The following ABCC9 variants were observed in gnomAD, a reference collection of about 807,000 sequenced individuals.
ABCC9 encodes the protein ATP-binding cassette sub-family C member 9.
Under a neutral mutation model 188.3 loss-of-function variants are expected in ABCC9, and 95 were observed. That is an observed-to-expected ratio of 0.50 (90% confidence interval 0.43 to 0.60). ABCC9 has a LOEUF of 0.60. Ranked by LOEUF, ABCC9 falls within the 20% of genes least tolerant of loss-of-function variation. The pLI, the probability that ABCC9 is intolerant of heterozygous loss-of-function variation, is 0.00. For missense variants in ABCC9, 1,102 were observed against 1,876.3 expected, an observed-to-expected ratio of 0.59 and a Z score of 7.62; for synonymous variants, 659 against 652.7, an observed-to-expected ratio of 1.01 and a Z score of -0.15.
At chr12:21,815,660 A>G in intron 34 of ABCC9, 103 bp downstream of exon 34, 3 of 1,422,664 alleles carry the variant, frequency 2.1e-6, no homozygotes, top group South Asian at 1.2e-5. Flanking sequence ...CAGGTAGGGA[A>G]TATACTTACT....
At chr12:21,843,815 G>T (rs1054680742) in intron 28 of ABCC9, among the ~76,000 whole-genome samples, 1 of 152,144 alleles carries the variant, frequency 6.6e-6, no homozygotes, top group African/African-American at 2.4e-5. Flanking sequence ...GCAGTCAGCT[G>T]CATGCATCAA....
At chr12:21,838,971 A>G (rs916215932) in intron 29 of ABCC9, among the ~76,000 whole-genome samples, 6 of 152,148 alleles carry the variant, frequency 3.9e-5, no homozygotes, top group Non-Finnish European at 7.3e-5. Context: ...GGTTGAAGTG[A>G]GCTAAGATCA....
chr12:21,902,663 A>G (rs1410859433), intron 12 of ABCC9, among the ~76,000 whole-genome samples: 1 of 152,188 alleles, frequency 6.6e-6, no homozygotes, highest in Non-Finnish European at 1.5e-5. Context: ...TACTATAAAC[A>G]CCTCTATGCA....
At chr12:21,816,189 G>A (rs1271200753) in intron 33 of ABCC9, among the ~76,000 whole-genome samples, 7 of 150,882 alleles carry the variant, frequency 4.6e-5, no homozygotes, top group African/African-American at 1.5e-4. Flanking sequence ...TTAGCATTCC[G>A]TCACTCAATT....
intron 7 of ABCC9, 140 bp from the exon 8 acceptor site, chr12:21,913,206 T>C (rs1341810257): frequency 1.4e-6 from 1 of 714,054 alleles, no homozygotes; most frequent in Non-Finnish European, 2.3e-6. Flanking sequence ...AATGTGTGCC[T>C]TTCAGCATAG....
rs146783123 is a variant in ABCC9, at chr12:21,832,821, A to C, written c.3567-3761T>G. Among the ~76,000 whole-genome samples, 504 of 152,336 alleles carry C rather than the reference A, an allele frequency of 3.3e-3. 4 individuals are homozygous for C. The highest frequency in any genetic ancestry group is 9.0e-3 in the African/African-American group (373 of 41,576). On this transcript the variant is annotated intron_variant, in intron 30 of 39. Coordinates refer to ENST00000261200, the MANE Select transcript of ABCC9 (RefSeq NM_020297.4). ...CATTATATGAAAAAGACAGTTGCAC[A>C]CACATGTTTATAGCAGCACAAGTTG...
At chr12:21,935,684 A>G (rs1451663616) in intron 3 of ABCC9, among the ~76,000 whole-genome samples, 1 of 152,194 alleles carries the variant, frequency 6.6e-6, no homozygotes, top group Non-Finnish European at 1.5e-5. Context: ...GGATATGGAA[A>G]GAGTCACAAG....
intron 31 of ABCC9, among the ~76,000 whole-genome samples, chr12:21,825,267 A>G (rs1943302243): frequency 6.6e-6 from 1 of 152,190 alleles, no homozygotes; most frequent in African/African-American, 2.4e-5. Context: ...CAGAAATACC[A>G]TTTGACCCAG....
At chr12:21,822,381 G>A (rs1474198988) in intron 31 of ABCC9, among the ~76,000 whole-genome samples, 1 of 149,666 alleles carries the variant, frequency 6.7e-6, no homozygotes, top group Admixed American at 6.7e-5. Flanking sequence ...ATCTTGATTT[G>A]CATAAGGGAT....
At chr12:21,887,780 G>C (rs1402754396) in intron 15 of ABCC9, 46 bp downstream of exon 15, 1 of 1,186,020 alleles carries the variant, frequency 8.4e-7, no homozygotes. Context: ...ATTCTGCTGA[G>C]ACTGTCCTCT....
intron 22 of ABCC9, among the ~76,000 whole-genome samples, chr12:21,859,098 A>T (rs1945375682): frequency 6.6e-6 from 1 of 152,152 alleles, no homozygotes; most frequent in Non-Finnish European, 1.5e-5. Context: ...ACCTTTACAG[A>T]TTATGCCACA....
rs768487549 is a variant in ABCC9 at position 21,906,142 on chromosome 12, T to C, written c.1602A>G (p.Leu534=). 2.5e-5 allele frequency: 41 copies of C among 1,612,948 alleles called. No individual in the cohort carries two copies. The highest frequency in any genetic ancestry group is 1.3e-4 in the East Asian group (6 of 44,860). The change falls in exon 12 of 40, where the codon CTA becomes CTG. Residue 534 remains leucine, a synonymous_variant. Transcript: ENST00000261200. ...KELSSLKTFA[L]YTSLSIFMNA... ...GCAACTTACTGGAGAGTGATGTATA[T>C]AGTGCAAAGGTTTTGAGACTAGATA...
intron 18 of ABCC9, among the ~76,000 whole-genome samples, chr12:21,864,811 C>A (rs548921259): frequency 6.6e-6 from 1 of 152,062 alleles, no homozygotes; most frequent in Non-Finnish European, 1.5e-5. Context: ...TACAGTTTCC[C>A]GTTTCATAAG....
intron 17 of ABCC9, among the ~76,000 whole-genome samples, chr12:21,873,761 T>C (rs1052525709): frequency 2.6e-5 from 4 of 152,018 alleles, no homozygotes; most frequent in Non-Finnish European, 5.9e-5. Context: ...AATAAACCCA[T>C]ACATATACAG....
chr12:21,816,502 T>C (rs9668454), intron 33 of ABCC9, among the ~76,000 whole-genome samples: 31,493 of 151,910 alleles, frequency 0.21, 3,519 homozygotes, highest in Middle Eastern at 0.34. Context: ...TGAGATGAAT[T>C]TTAAAGGATG....
intron 20 of ABCC9, among the ~76,000 whole-genome samples, 178 bp downstream of exon 20, chr12:21,862,775 C>T (rs1945585700): frequency 6.6e-6 from 1 of 152,024 alleles, no homozygotes; most frequent in Non-Finnish European, 1.5e-5. Context: ...GCTGGAACTT[C>T]CAGTGAGGCT....
intron 6 of ABCC9, 68 bp from the exon 7 acceptor site, chr12:21,915,978 T>G (rs151280173): frequency 3.3e-6 from 5 of 1,494,716 alleles, no homozygotes; most frequent in Admixed American, 2.0e-5. Flanking sequence ...AAAATAAAAT[T>G]TCAACCTTTT....
intron 2 of ABCC9, among the ~76,000 whole-genome samples, chr12:21,939,246 C>T (rs973060544): frequency 2.0e-5 from 3 of 152,122 alleles, no homozygotes; most frequent in African/African-American, 7.2e-5. Context: ...TACCTTACCG[C>T]ATGTCTCCTT....
intron 31 of ABCC9, among the ~76,000 whole-genome samples, chr12:21,826,207 G>A (rs1943369776): frequency 6.6e-6 from 1 of 151,918 alleles, no homozygotes; most frequent in Non-Finnish European, 1.5e-5. Flanking sequence ...GGGTTGTGTT[G>A]ATACCATAGA....
Sources: gnomAD v4.1 joint callset for allele counts (sites outside exome capture counted in the v4.1 genomes callset) on GRCh38, gnomAD v4.1.1 for gene constraint, MANE v1.5 for transcripts, NCBI Gene and HGNC (gene_info 2026-07-23, HGNC 2026-07-21) for gene names.